BSN: variants seen among roughly 807,000 people sequenced by gnomAD.
BSN encodes bassoon presynaptic cytomatrix protein, also known as protein bassoon.
Under a neutral mutation model 264.8 loss-of-function variants are expected in BSN, and 57 were observed. That is an observed-to-expected ratio of 0.22 (90% confidence interval 0.17 to 0.27). The LOEUF (loss-of-function observed/expected upper bound fraction) is 0.27, where lower values mean the gene tolerates loss of function less well. Ranked by LOEUF, BSN falls within the 10% of genes least tolerant of loss-of-function variation. The pLI is 1.00. For synonymous variants in BSN, 2,059 were observed against 2,137.3 expected, an observed-to-expected ratio of 0.96 and a Z score of 1.01; for missense variants, 4,615 against 5,232.5, an observed-to-expected ratio of 0.88 and a Z score of 3.64.
At chr3:49,599,755 A>G (rs1188774346) in intron 1 of BSN, among the ~76,000 whole-genome samples, 1 of 152,136 alleles carries the variant, frequency 6.6e-6, no homozygotes, top group African/African-American at 2.4e-5. Flanking sequence ...ACCATTCTAG[A>G]AGTCGTTTCC....
At chr3:49,664,394 G>A in intron 8 of BSN, 29 bp from the exon 9 acceptor site, 1 of 1,613,674 alleles carries the variant, frequency 6.2e-7, no homozygotes, top group African/African-American at 1.3e-5. Flanking sequence ...GCCGTGCATA[G>A]CTCATTATGG....
rs576033805 is a variant in BSN, at chr3:49,632,508, A to C, written c.633+7125A>C. Among the ~76,000 whole-genome samples the C allele has an allele frequency of 2.3e-4, 35 of 152,286 alleles. 1 individual carries two copies. In the East Asian group the frequency reaches 5.0e-3, roughly 22 times the overall value. On this transcript the variant is annotated intron_variant, in intron 2 of 11. Coordinates refer to ENST00000296452, the MANE Select transcript of BSN (RefSeq NM_003458.4). ...AAATAAACAAACAAAAACCCAATTA[A>C]AAGTGGGCAAAGAGGCCAGGCGCAG...
At position 49,591,932 on chromosome 3, in the gene BSN, G is replaced by A. The variant is rs183304146; in HGVS notation, c.225-33043G>A. On this transcript the variant is annotated intron_variant, in intron 1 of 11. Coordinates refer to ENST00000296452, the MANE Select transcript of BSN (RefSeq NM_003458.4). The stretch of plus-strand genomic sequence containing the variant: ...CTGCCTTTATATTTGTTATTTAAAA[G>A]ATCACTGGCTCTGATAAAGTTGAGA... Among the ~76,000 whole-genome samples, 78 of 152,176 alleles carry A rather than the reference G, an allele frequency of 5.1e-4. 1 individual carries two copies. The highest frequency in any genetic ancestry group is 1.8e-3 in the African/African-American group (73 of 41,508).
In BSN at chr3:49,653,525, C is replaced by T; in HGVS notation, c.3969C>T (p.Phe1323=). ...CCCAGCTCGCTGCCCCTGTGTCCTT[C>T]TCTACCCCCACCTCCTCAGACAGCA... ...SPTQLAAPVS[F]STPTSSDSSG... The change falls in exon 5 of 12, where the codon TTC becomes TTT. Residue 1323 remains phenylalanine (F), a synonymous_variant. Transcript: ENST00000296452. This position sits in a 1 kb window ranked among gnomAD's most constrained non-coding sequence, Gnocchi z 6.3. The T allele has an allele frequency of 6.2e-7, 1 of 1,613,974 alleles. No individual in the cohort carries two copies.
At chr3:49,586,004 A>G (rs1409822074) in intron 1 of BSN, among the ~76,000 whole-genome samples, 1 of 151,968 alleles carries the variant, frequency 6.6e-6, no homozygotes, top group Admixed American at 6.6e-5. Context: ...GTTATTAATC[A>G]CTTGTCAGAT....
At chr3:49,628,234 T>C (rs2052357399) in intron 2 of BSN, among the ~76,000 whole-genome samples, 1 of 152,168 alleles carries the variant, frequency 6.6e-6, no homozygotes, top group Non-Finnish European at 1.5e-5. Flanking sequence ...GAACTCAAGC[T>C]GCTGTGTAGA....
chr3:49,652,453 G>A lies in BSN; in HGVS notation c.2897G>A (p.Ser966Asn). 6.2e-7 allele frequency: 1 copy of A among 1,613,660 alleles called. No individual in the cohort carries two copies. The highest frequency in any genetic ancestry group is 8.5e-7 in the Non-Finnish European group (1 of 1,179,894). ...LDREPELEME[S>N]LTGSPEDRSR... is the part of the protein sequence containing the mutation. ...CGGGAGCCTGAGCTGGAGATGGAGA[G>A]CCTAACGGGCTCCCCTGAGGACCGC... Residue 966 changes from serine (S) to asparagine (N), a missense_variant, in exon 5 of 12, where the codon AGC becomes AAC. Physicochemically the swap from Ser to Asn is conservative, Grantham distance 46. Around this residue, in one of 3 missense-constraint regions of BSN, gnomAD observed 1,197 missense variants for 1,348.0 expected, o/e 0.89. Coordinates refer to ENST00000296452, the MANE Select transcript of BSN (RefSeq NM_003458.4).
chr3:49,607,890 G>A (rs1270218946), intron 1 of BSN, among the ~76,000 whole-genome samples: 2 of 152,226 alleles, frequency 1.3e-5, no homozygotes, highest in Non-Finnish European at 2.9e-5. Context: ...AGGGATTGAT[G>A]GCTCCTTGGA....
intron 1 of BSN, among the ~76,000 whole-genome samples, chr3:49,608,437 G>T (rs2052177054): frequency 6.6e-6 from 1 of 152,206 alleles, no homozygotes; most frequent in Admixed American, 6.5e-5. Flanking sequence ...GTATTATTTA[G>T]AAGAGGAGAT....
intron 1 of BSN, among the ~76,000 whole-genome samples, chr3:49,596,264 TG>T (rs2052021492): frequency 6.6e-6 from 1 of 151,606 alleles, no homozygotes; most frequent in African/African-American, 2.4e-5. Context: ...ATTAGCCGGG[TG>T]TGGTGGCGGG....
In BSN at chr3:49,651,166, A is replaced by C. The variant is rs1159111007; in HGVS notation, c.1986+87A>C. On this transcript the variant is annotated intron_variant, in intron 4 of 11. Coordinates refer to ENST00000296452, the MANE Select transcript of BSN (RefSeq NM_003458.4). This position sits in a 1 kb window ranked among gnomAD's most constrained non-coding sequence, Gnocchi z 5.4. ...TGCCTCCCTGGGTGGCTGAGGCTGT[A>C]GGCTCAGGACAGGTGCCTTGGGGCC... is the stretch of plus-strand genomic sequence containing the variant. 1 of 1,360,772 alleles carries C rather than the reference A, an allele frequency of 7.3e-7. No homozygotes were observed. Among genetic ancestry groups the C allele is most frequent in the East Asian group, 2.5e-5 (1 of 40,780 alleles). 84.3% of individuals were successfully genotyped at this position (1,360,772 alleles called of 1,614,324 possible).
chr3:49,607,964 G>A (rs987285717), intron 1 of BSN, among the ~76,000 whole-genome samples: 3 of 152,208 alleles, frequency 2.0e-5, no homozygotes, highest in South Asian at 2.1e-4. Flanking sequence ...TGAACAGTGA[G>A]GGGGACTGAG....
chr3:49,626,706 G>C (rs2052343239), intron 2 of BSN, among the ~76,000 whole-genome samples: 1 of 152,234 alleles, frequency 6.6e-6, no homozygotes, highest in Non-Finnish European at 1.5e-5. Flanking sequence ...GAACAGGGAG[G>C]CTTGGCAGGT....
chr3:49,588,971 G>A (rs1423779057), intron 1 of BSN, among the ~76,000 whole-genome samples: 1 of 150,598 alleles, frequency 6.6e-6, no homozygotes, highest in African/African-American at 2.4e-5. Context: ...CTGGAGTGCA[G>A]TGGCGCGATC....
intron 1 of BSN, among the ~76,000 whole-genome samples, chr3:49,603,041 C>T (rs1433111834): frequency 6.6e-6 from 1 of 152,068 alleles, no homozygotes; most frequent in Non-Finnish European, 1.5e-5. Flanking sequence ...GCAGATTCAG[C>T]CTGACCCACT....
chr3:49,605,446 ATT>A (rs2052109668), intron 1 of BSN, among the ~76,000 whole-genome samples: 1 of 27,128 alleles, frequency 3.7e-5, no homozygotes, highest in Non-Finnish European at 5.8e-5. Context: ...TATTATATAT[ATT>A]ATATAATATA....
intron 1 of BSN, among the ~76,000 whole-genome samples, chr3:49,557,816 C>A (rs564786980): frequency 3.1e-4 from 47 of 152,134 alleles, no homozygotes; most frequent in Non-Finnish European, 5.3e-4. Flanking sequence ...CTACCTGCCT[C>A]GGCCTCCCAA....
intron 3 of BSN, among the ~76,000 whole-genome samples, chr3:49,647,348 A>G (rs952085650): frequency 1.3e-5 from 2 of 152,230 alleles, no homozygotes; most frequent in African/African-American, 4.8e-5. Context: ...ATCTGATGGC[A>G]TACACACCTG....
chr3:49,650,942 G>C lies in BSN; in HGVS notation c.1849G>C (p.Glu617Gln), dbSNP rs1412082824. 1 of 1,614,154 alleles carries C rather than the reference G, an allele frequency of 6.2e-7. No individual in the cohort carries two copies. The highest frequency in any genetic ancestry group is 2.2e-5 in the East Asian group (1 of 44,890). ...GAAGACCCGAGTCCCCACTAAAGCT[G>C]AGCCCATGCCGAAGCCACCTCCAGA... Reference protein sequence around the residue: ...EKKTRVPTKAEPMPKPPPETT... With the variant: ...EKKTRVPTKAQPMPKPPPETT... Residue 617 changes from glutamate (E) to glutamine (Q), a missense_variant, in exon 4 of 12, where the codon GAG (glutamate) becomes CAG (glutamine). Coordinates refer to ENST00000296452, the MANE Select transcript of BSN (RefSeq NM_003458.4).
Sources: allele counts gnomAD v4.1 joint callset (sites outside exome capture counted in the v4.1 genomes callset), GRCh38; gene constraint gnomAD v4.1.1; regional missense constraint gnomAD v4.1.1; non-coding constraint Gnocchi (gnomAD v3.1); transcripts MANE v1.5; gene names NCBI Gene and HGNC (gene_info 2026-07-23, HGNC 2026-07-21).